IL6ST: variants seen among roughly 807,000 people sequenced by gnomAD.
The protein encoded by IL6ST is interleukin 6 cytokine family signal transducer.
IL6ST carries 24 observed loss-of-function variants against 91.3 expected under a neutral mutation model. The observed-to-expected ratio is 0.26, with a 90% CI of 0.19 to 0.37. The LOEUF (loss-of-function observed/expected upper bound fraction) is 0.37, where lower values mean the gene tolerates loss of function less well. IL6ST is among the 10% of genes least tolerant of loss of function. The probability of loss-of-function intolerance (pLI) is 1.00; values close to 1 mark genes in which losing one functional copy is unlikely to be tolerated. For synonymous variants in IL6ST, 351 were observed against 373.6 expected (o/e 0.94, Z 0.70); for missense variants, 914 against 1,078.5 (o/e 0.85, Z 2.14).
Position 55,964,339 on chromosome 5 carries a change from T to G in IL6ST, c.492-27A>C, listed in dbSNP as rs751701392. ...TAAATACAAAAAATTGAAGAATCAG[T>G]CATTAAAAACACATCTGAAAAAATT... is the stretch of plus-strand genomic sequence containing the variant. On this transcript the variant is annotated intron_variant, in intron 5 of 16. Coordinates refer to ENST00000381298, the MANE Select transcript of IL6ST (RefSeq NM_002184.4). 2.6e-6 allele frequency: 4 copies of G among 1,560,350 alleles called. No homozygotes were observed. In the South Asian group the frequency reaches 4.7e-5, roughly 18 times the overall value.
At chr5:55,985,906 A>T (rs1252520399) in intron 1 of IL6ST, among the ~76,000 whole-genome samples, 3 of 152,244 alleles carry the variant, frequency 2.0e-5, no homozygotes, top group Non-Finnish European at 4.4e-5. Flanking sequence ...ACCATAGAAA[A>T]TACATAAACA....
rs1316698465 is a variant in IL6ST, at chr5:55,942,679, A to G, written c.2010T>C (p.Thr670=). The G allele has an allele frequency of 6.3e-7, 1 of 1,584,302 alleles. No homozygotes were observed. The highest frequency in any genetic ancestry group is 8.7e-7 in the Non-Finnish European group (1 of 1,154,144). ...AAGCATTTTCTCTTACCCTTGGAGG[A>G]GTGTGAGGTGACCACTGGGCAATAT... The part of the protein sequence containing the change: ...KSHIAQWSPH[T]PPRHNFNSKD... The change falls in exon 16 of 17, where the codon ACT becomes ACC. Residue 670 remains threonine, a synonymous_variant. Coordinates refer to ENST00000381298, the MANE Select transcript of IL6ST (RefSeq NM_002184.4).
At chr5:55,972,062 G>A (rs1271618992) in intron 3 of IL6ST, among the ~76,000 whole-genome samples, 2 of 152,060 alleles carry the variant, frequency 1.3e-5, no homozygotes, top group Non-Finnish European at 2.9e-5. Context: ...CAATTCCCTA[G>A]ACATCACTTT....
intron 15 of IL6ST, among the ~76,000 whole-genome samples, chr5:55,943,205 C>T (rs1358628825): frequency 6.6e-6 from 1 of 152,018 alleles, no homozygotes; most frequent in Non-Finnish European, 1.5e-5. Context: ...GACTGACTCT[C>T]CTGTAGGAAA....
In IL6ST at chr5:55,969,635, A is replaced by G. The variant is rs780964121; in HGVS notation, c.285T>C (p.Ala95=). Residue 95 remains alanine (A), a synonymous_variant, in exon 4 of 17, where the codon GCT becomes GCC. Coordinates refer to ENST00000381298, the MANE Select transcript of IL6ST (RefSeq NM_002184.4). ...TGCAAGTGAGCTGAATATTTAATGA[A>G]GCTATATCTGTAAAGGTGACACTGG... is the stretch of plus-strand genomic sequence containing the variant. ...TASSVTFTDI[A]SLNIQLTCNI... is the part of the protein sequence containing the mutation. 56 of 1,612,468 alleles carry G rather than the reference A, an allele frequency of 3.5e-5. No homozygotes were observed. Among genetic ancestry groups the G allele is most frequent in the Middle Eastern group, 3.3e-4 (2 of 6,078 alleles).
At chr5:55,955,838 G>T in intron 10 of IL6ST, 187 bp downstream of exon 10, 1 of 358,788 alleles carries the variant, frequency 2.8e-6, no homozygotes, top group Non-Finnish European at 4.9e-6. Context: ...GCAACCTGGC[G>T]AGACCCAGTC....
chr5:55,935,604 G>A lies in IL6ST; in HGVS notation c.*5478C>T, dbSNP rs372197125. The A allele has an allele frequency of 1.8e-4, 40 of 218,844 alleles. No individual in the cohort carries two copies. The highest frequency in any genetic ancestry group is 8.5e-4 in the African/African-American group (38 of 44,602). The allele number at this position is 218,844 out of a possible 1,614,324, so 13.6% of individuals were successfully genotyped here. A position where few individuals can be genotyped will look rare whatever the true frequency, so the allele number is the denominator to read the frequency against. ...TTTCGAGTTGGCTGAGCTTCCTGCT[G>A]CTTTCACACATTCTTCTTTTTCTAC... On this transcript the variant is annotated 3_prime_UTR_variant, in exon 17 of 17. Coordinates refer to ENST00000381298, the MANE Select transcript of IL6ST (RefSeq NM_002184.4).
intron 6 of IL6ST, 141 bp downstream of exon 6, chr5:55,964,005 A>G (rs1752488304): frequency 7.3e-6 from 3 of 409,936 alleles, no homozygotes; most frequent in Non-Finnish European, 1.3e-5. Flanking sequence ...ATTAAAATCT[A>G]AAAAAGTAAA....
At chr5:55,944,914 A>G (rs1290454929) in intron 15 of IL6ST, among the ~76,000 whole-genome samples, 1 of 152,012 alleles carries the variant, frequency 6.6e-6, no homozygotes, top group Admixed American at 6.6e-5. Context: ...TCAAAAACAA[A>G]ATGCCCATGT....
chr5:55,955,640 T>G (rs565639856), intron 10 of IL6ST, among the ~76,000 whole-genome samples: 10 of 152,104 alleles, frequency 6.6e-5, no homozygotes, highest in Non-Finnish European at 1.5e-4. Context: ...ATGAATGAAG[T>G]AGCTTACTGT....
intron 3 of IL6ST, among the ~76,000 whole-genome samples, chr5:55,972,603 A>C (rs898072403): frequency 6.6e-6 from 1 of 152,234 alleles, no homozygotes; most frequent in South Asian, 2.1e-4. Context: ...TTACAGGGCT[A>C]CCAGGCTGAG....
chr5:55,975,003 G>A (rs1217521639), intron 3 of IL6ST, among the ~76,000 whole-genome samples: 4 of 151,486 alleles, frequency 2.6e-5, no homozygotes, highest in Admixed American at 6.6e-5. Context: ...ATATTTTTAC[G>A]AGACAGGGTC....
intron 7 of IL6ST, among the ~76,000 whole-genome samples, chr5:55,961,828 C>A (rs1752336441): frequency 1.3e-5 from 2 of 151,862 alleles, no homozygotes; most frequent in African/African-American, 4.8e-5. Flanking sequence ...TTTCACTTTT[C>A]TTCTGTCTTC....
chr5:55,955,520 G>A (rs1213981550), intron 10 of IL6ST, among the ~76,000 whole-genome samples: 1 of 152,130 alleles, frequency 6.6e-6, no homozygotes, highest in African/African-American at 2.4e-5. Context: ...TTTCTTCTTT[G>A]AAAGCTACGA....
chr5:55,976,248 C>T lies in IL6ST; in HGVS notation c.31G>A (p.Ala11Thr). 6.3e-7 allele frequency: 1 copy of T among 1,589,626 alleles called. No individual in the cohort carries two copies. The highest frequency in any genetic ancestry group is 8.6e-7 in the Non-Finnish European group (1 of 1,167,568). ...TCAGTGGTGAGGAAAATAAACAAGG[C>T]TTGCACTAGCCAAGTCTGCAACGTC... MLTLQTWLVQ[A>T]LFIFLTTEST... Residue 11 changes from alanine to threonine, a missense_variant, in exon 3 of 17, where the codon GCC becomes ACC. Ala to Thr is a moderately conservative substitution (Grantham distance 58). Coordinates refer to ENST00000381298, the MANE Select transcript of IL6ST (RefSeq NM_002184.4).
In IL6ST at chr5:55,940,685, C is replaced by T. The variant is rs1254921233; in HGVS notation, c.*397G>A. ...TCTTTTATATTAACTGTCCCTAAGC[C>T]ACTCTGATGACTATTCTAATCAAAA... On this transcript the variant is annotated 3_prime_UTR_variant, in exon 17 of 17. Transcript: ENST00000381298. 3.5e-5 allele frequency: 8 copies of T among 231,224 alleles called. No homozygotes were observed. Among genetic ancestry groups the T allele is most frequent in the Admixed American group, 1.6e-4 (3 of 19,146 alleles). 14.3% of individuals were successfully genotyped at this position (231,224 alleles called of 1,614,324 possible).
intron 2 of IL6ST, among the ~76,000 whole-genome samples, chr5:55,980,521 G>C (rs983779181): frequency 6.6e-6 from 1 of 152,168 alleles, no homozygotes; most frequent in Non-Finnish European, 1.5e-5. Flanking sequence ...CTGCACTCCA[G>C]GCTGGGCGAC....
chr5:55,949,488 C>T (rs1751477063), intron 14 of IL6ST, among the ~76,000 whole-genome samples: 1 of 150,202 alleles, frequency 6.7e-6, no homozygotes, highest in Non-Finnish European at 1.5e-5. Context: ...AACAAACAAA[C>T]AAAAAATATA....
At chr5:55,958,839 C>CA (rs58625180) in intron 8 of IL6ST, among the ~76,000 whole-genome samples, 15,319 of 88,626 alleles carry the variant, frequency 0.17, 967 homozygotes, top group Middle Eastern at 0.23. Context: ...GCACTATTTC[C>CA]AAAAAAAAAA....
Sources: gnomAD v4.1 joint callset for allele counts (sites outside exome capture counted in the v4.1 genomes callset) on GRCh38, gnomAD v4.1.1 for gene constraint, MANE v1.5 for transcripts, NCBI Gene and HGNC (gene_info 2026-07-23, HGNC 2026-07-21) for gene names.